The following CCDC40 variants were observed in gnomAD, a reference collection of about 807,000 sequenced individuals.
CCDC40 encodes coiled-coil domain 40 molecular ruler complex subunit, also known as coiled-coil domain-containing protein 40.
A neutral mutation model predicts 124.5 loss-of-function variants in CCDC40; 104 were observed. That is an observed-to-expected ratio of 0.84 (90% CI 0.71 to 0.98). CCDC40 has a LOEUF of 0.98. Among genes scored for constraint, CCDC40 ranks in the 50% least tolerant of loss-of-function variants. The probability of loss-of-function intolerance (pLI) is 0.00; values close to 1 mark genes in which losing one functional copy is unlikely to be tolerated. For missense variants in CCDC40, 1,463 were observed against 1,503.9 expected (o/e 0.97, Z 0.45); for synonymous variants, 580 against 602.9 (o/e 0.96, Z 0.56).
In CCDC40 at chr17:80,099,654, G is replaced by C; in HGVS notation, c.3308G>C (p.Arg1103Pro). 6.2e-7 allele frequency: 1 copy of C among 1,613,892 alleles called. No individual in the cohort carries two copies. Among genetic ancestry groups the C allele is most frequent in the African/African-American group, 1.3e-5 (1 of 75,040 alleles). Residue 1103 changes from arginine to proline, a missense_variant, in exon 20 of 20, where the codon CGA becomes CCA. Arg to Pro is a moderately radical substitution (Grantham distance 103). Transcript: ENST00000397545. ...LVLERQRLDK[R>P]LALIATILDR... ...CTGGAGCGCCAGCGCCTGGACAAGCGACTGGCTCTCATCGCCACCATCCTG... is the reference window on the plus strand; with the variant it reads ...CTGGAGCGCCAGCGCCTGGACAAGCCACTGGCTCTCATCGCCACCATCCTG...
At chr17:80,056,001 TA>T (rs1568682618) in intron 7 of CCDC40, among the ~76,000 whole-genome samples, 1,488 of 19,424 alleles carry the variant, frequency 0.077, 215 homozygotes, top group Non-Finnish European at 0.15. Context: ...TATATATATA[TA>T]TATATATATA....
Position 80,086,125 on chromosome 17 carries a change from G to T in CCDC40, c.2358G>T (p.Lys786Asn), listed in dbSNP as rs1488782682. The T allele has an allele frequency of 1.9e-6, 3 of 1,614,012 alleles. No individual in the cohort carries two copies. The Admixed American group carries it at 5.0e-5, about 27-fold the overall frequency. ...TWLRLQQEMV[K>N]VTQEQEEQLA... ...TGCGCCTGCAGCAGGAGATGGTCAA[G>T]GTGACACAGGAGCAGGAGGAGCAGC... Residue 786 changes from lysine to asparagine, a missense_variant, in exon 14 of 20, where the codon AAG becomes AAT. Transcript: ENST00000397545. This position sits in a 1 kb window ranked among gnomAD's most constrained non-coding sequence, Gnocchi z 5.5.
intron 19 of CCDC40, chr17:80,097,986 C>A: frequency 5.9e-6 from 1 of 168,304 alleles, no homozygotes; most frequent in South Asian, 1.4e-4. Flanking sequence ...GTGGTAAATG[C>A]TTTGAAGGAA....
rs57113516 is a variant in CCDC40, at chr17:80,087,415, CCCTGT to C, written c.2450-188_2450-184del. On this transcript the variant is annotated intron_variant, in intron 14 of 19. Transcript: ENST00000397545. The surrounding 1 kb of genome is among the most constrained non-coding windows in gnomAD (Gnocchi z 4.5). The stretch of plus-strand genomic sequence containing the variant: ...GGAGCTTAGCAGCCAAAAAGAGACC[CCCTGT>C]CCTCTCCTCTCCTCTGTCCTGGCAG... 0.68 allele frequency: 439,320 copies of C among 642,104 alleles called. 151,762 individuals are homozygous for C. The highest frequency in any genetic ancestry group is 0.75 in the South Asian group (43,885 of 58,412). The allele number at this position is 642,104 out of a possible 1,614,324, so 39.8% of individuals were successfully genotyped here.
rs754194373 is a variant in CCDC40 at position 80,040,062 on chromosome 17, C to T, written c.344C>T (p.Pro115Leu). Residue 115 changes from proline to leucine, a missense_variant, in exon 3 of 20, where the codon CCG (proline) becomes CTG (leucine). By Grantham distance (98) the Pro-to-Leu change is moderately conservative. Transcript: ENST00000397545. ...ATCAGTGCTGCAGATACGACTTACC[C>T]GTATTTCAGTCCTCCTCAGGAACTG... ...GQISAADTTY[P>L]YFSPPQELPG... is the part of the protein sequence containing the mutation. The T allele has an allele frequency of 2.6e-5, 42 of 1,613,926 alleles. No individual in the cohort carries two copies. The highest frequency in any genetic ancestry group is 1.6e-4 in the Middle Eastern group (1 of 6,084).
Position 80,041,580 on chromosome 17 carries a change from C to G in CCDC40, c.552+1310C>G, listed in dbSNP as rs544046585. 3.9e-5 allele frequency among the ~76,000 whole-genome samples: 6 copies of G among 152,164 alleles called. No individual in the cohort carries two copies. The East Asian group carries it at 1.2e-3, about 29-fold the overall frequency. ...ATGCTCAGGCCTCATTCAGGGTTCA[C>G]CAAATGTCCCAATGATGTCTTTTGT... On this transcript the variant is annotated intron_variant, in intron 3 of 19. Coordinates refer to ENST00000397545, the MANE Select transcript of CCDC40 (RefSeq NM_017950.4).
chr17:80,095,520 G>C, intron 18 of CCDC40, 69 bp downstream of exon 18: 1 of 1,504,618 alleles, frequency 6.6e-7, no homozygotes, highest in African/African-American at 1.4e-5. Flanking sequence ...ACTCCAGGAA[G>C]GCGTCTTGCT....
intron 1 of CCDC40, among the ~76,000 whole-genome samples, chr17:80,037,694 TAC>T (rs201039324): frequency 0.2 from 14,031 of 71,930 alleles, 1,209 homozygotes; most frequent in African/African-American, 0.26. Flanking sequence ...AAAAAAGATA[TAC>T]ATATATATAT....
chr17:80,053,597 T>G (rs775186488), intron 7 of CCDC40, among the ~76,000 whole-genome samples: 6 of 152,116 alleles, frequency 3.9e-5, no homozygotes, highest in Non-Finnish European at 8.8e-5. Flanking sequence ...TTTTTGTTTG[T>G]TTGTTTGTTT....
intron 7 of CCDC40, among the ~76,000 whole-genome samples, chr17:80,056,008 A>ATTTTTTTTTTTTT (rs1242487948): frequency 1.6e-4 from 2 of 12,278 alleles, no homozygotes; most frequent in Non-Finnish European, 1.2e-4. Flanking sequence ...ATATATATAT[A>ATTTTTTTTTTTTT]TATATATATT....
intron 10 of CCDC40, chr17:80,067,799 C>T (rs1433962048): frequency 6.9e-7 from 1 of 1,453,898 alleles, no homozygotes; most frequent in Non-Finnish European, 9.1e-7. Context: ...AGCGGTGTTT[C>T]AAAGTCCCCT....
chr17:80,056,202 G>C (rs1311412107), intron 7 of CCDC40, among the ~76,000 whole-genome samples: 2 of 150,404 alleles, frequency 1.3e-5, no homozygotes, highest in Admixed American at 1.3e-4. Flanking sequence ...AGTCACAAGG[G>C]TGTGTGTGTA....
chr17:80,069,233 G>A (rs1444340263), intron 10 of CCDC40, among the ~76,000 whole-genome samples: 4 of 151,986 alleles, frequency 2.6e-5, no homozygotes, highest in Non-Finnish European at 4.4e-5. Context: ...TGACTTCCCC[G>A]TCCTTGGTCA....
chr17:80,051,650 A>AAAAAG (rs1309342991), intron 7 of CCDC40, among the ~76,000 whole-genome samples: 5 of 143,830 alleles, frequency 3.5e-5, no homozygotes, highest in African/African-American at 1.3e-4. Context: ...AAAAAAAAAA[A>AAAAAG]AAAAGAAAAA....
At chr17:80,052,068 A>G (rs1568679775) in intron 7 of CCDC40, among the ~76,000 whole-genome samples, 1 of 152,250 alleles carries the variant, frequency 6.6e-6, no homozygotes, top group Non-Finnish European at 1.5e-5. Flanking sequence ...CCACCACTGC[A>G]CAGTCCCTTA....
rs762363791 is a variant in CCDC40, at chr17:80,099,654, G to A, written c.3308G>A (p.Arg1103Gln). Reference sequence around the variant, plus strand: ...CTGGAGCGCCAGCGCCTGGACAAGCGACTGGCTCTCATCGCCACCATCCTG... The same window carrying A: ...CTGGAGCGCCAGCGCCTGGACAAGCAACTGGCTCTCATCGCCACCATCCTG... ...LVLERQRLDKRLALIATILDR... is the reference protein window; with the variant it reads ...LVLERQRLDKQLALIATILDR... Residue 1103 changes from arginine to glutamine, a missense_variant, in exon 20 of 20, where the codon CGA becomes CAA. Transcript: ENST00000397545. 17 of 1,613,890 alleles carry A rather than the reference G, an allele frequency of 1.1e-5. No individual in the cohort carries two copies. The East Asian group carries it at 2.0e-4, about 19-fold the overall frequency.
Position 80,081,869 on chromosome 17 carries a change from T to A in CCDC40, c.1807-7T>A. On this transcript the variant is annotated splice_polypyrimidine_tract_variant and splice_region_variant and intron_variant, in intron 11 of 19. Transcript: ENST00000397545. The stretch of plus-strand genomic sequence containing the variant: ...GGCACGTGCACCCTGTGGCTCCTTG[T>A]CTCCAGGAACAAATGATACTCACGG... The A allele has an allele frequency of 6.2e-7, 1 of 1,614,026 alleles. No homozygotes were observed. Among genetic ancestry groups the A allele is most frequent in the South Asian group, 1.1e-5 (1 of 91,082 alleles).
At chr17:80,063,193 C>CA (rs111638134) in intron 9 of CCDC40, among the ~76,000 whole-genome samples, 11,546 of 143,246 alleles carry the variant, frequency 0.081, 1,416 homozygotes, top group African/African-American at 0.27. Flanking sequence ...AAAAGTGTCT[C>CA]AAAAAAAAAA....
At chr17:80,038,880 G>A (rs1291669257) in intron 2 of CCDC40, among the ~76,000 whole-genome samples, 1 of 152,032 alleles carries the variant, frequency 6.6e-6, no homozygotes, top group African/African-American at 2.4e-5. Flanking sequence ...ATTAGGACTT[G>A]GTCAAGTATA....
Sources: gnomAD v4.1 joint callset for allele counts (sites outside exome capture counted in the v4.1 genomes callset) on GRCh38, gnomAD v4.1.1 for gene constraint, Gnocchi (gnomAD v3.1) non-coding constraint, MANE v1.5 for transcripts, NCBI Gene and HGNC (gene_info 2026-07-23, HGNC 2026-07-21) for gene names.